MYOF: variants seen among roughly 807,000 people sequenced by gnomAD.
MYOF encodes fer-1-like 3, myoferlin.
In MYOF, 244 loss-of-function variants were observed where a neutral mutation model predicts 284.2. The ratio of observed to expected loss-of-function variants is 0.86; its 90% CI spans 0.77 to 0.95. MYOF has a LOEUF of 0.95. MYOF is among the 40% of genes least tolerant of loss of function. The pLI, the probability that MYOF is intolerant of heterozygous loss-of-function variation, is 0.00. For missense variants in MYOF, 2,496 were observed against 2,560.6 expected (o/e 0.97, Z 0.54); for synonymous variants, 904 against 919.7 (o/e 0.98, Z 0.31).
chr10:93,407,869 G>C (rs1847688372), intron 7 of MYOF, among the ~76,000 whole-genome samples: 1 of 152,010 alleles, frequency 6.6e-6, no homozygotes, highest in Admixed American at 6.5e-5. Context: ...CTAAAAAACT[G>C]GATTAGTCAC....
chr10:93,355,881 A>G, intron 30 of MYOF, 145 bp from the exon 31 acceptor site: 1 of 598,518 alleles, frequency 1.7e-6, no homozygotes, highest in African/African-American at 1.8e-5. Flanking sequence ...TTTAAAGATG[A>G]ATAAGTCCCA....
chr10:93,320,615 C>A (rs935511689), intron 48 of MYOF, among the ~76,000 whole-genome samples: 1 of 152,036 alleles, frequency 6.6e-6, no homozygotes, highest in South Asian at 2.1e-4. Context: ...TAACTTTTAA[C>A]GTTTGAGAAG....
At chr10:93,455,904 T>G (rs2056733744) in intron 2 of MYOF, among the ~76,000 whole-genome samples, 1 of 152,118 alleles carries the variant, frequency 6.6e-6, no homozygotes, top group Non-Finnish European at 1.5e-5. Context: ...AATTGGGTGG[T>G]TTAAAAGAGA....
At chr10:93,448,353 C>G (rs542264047) in intron 3 of MYOF, among the ~76,000 whole-genome samples, 11 of 152,300 alleles carry the variant, frequency 7.2e-5, no homozygotes, top group Admixed American at 7.2e-4. Flanking sequence ...CCTTTCCCCC[C>G]ACCCTTGACA....
At chr10:93,344,726 TAAAAAAAAAAAAA>T (rs3081452) in intron 37 of MYOF, among the ~76,000 whole-genome samples, 8 of 76,230 alleles carry the variant, frequency 1.0e-4, no homozygotes, top group Non-Finnish European at 1.8e-4. Flanking sequence ...GAACTTAAAT[TAAAAAAAAAAAAA>T]AAAAAAAAAA....
Position 93,333,879 on chromosome 10 carries a change from G to T in MYOF, c.4598C>A (p.Pro1533His). The T allele has an allele frequency of 6.2e-7, 1 of 1,614,028 alleles. No individual in the cohort carries two copies. The highest frequency in any genetic ancestry group is 2.2e-5 in the East Asian group (1 of 44,850). The part of the protein sequence containing the change: ...SFRIYPLPDD[P>H]SVPAPPRQFR... ...CTGTCTGGGAGGGGCTGGCACGCTG[G>T]GGTCATCCGGCAGAGGGTAGATCCG... Residue 1533 changes from proline (P) to histidine (H), a missense_variant, in exon 42 of 54, where the codon CCC becomes CAC. Around this residue, in one of 3 missense-constraint regions of MYOF, gnomAD observed 2,436 missense variants for 2,480.7 expected, o/e 0.98. Coordinates refer to ENST00000359263, the MANE Select transcript of MYOF (RefSeq NM_013451.4).
Position 93,333,970 on chromosome 10 carries a change from C to T in MYOF, c.4564-57G>A, listed in dbSNP as rs1376078103. 8 of 1,551,320 alleles carry T rather than the reference C, an allele frequency of 5.2e-6. No individual in the cohort carries two copies. The African/African-American group carries it at 8.2e-5, about 16-fold the overall frequency. ...CCCTGGGTGGCCCAGGTAGAGGGCT[C>T]CTGGGAAGTCCCCTCCTCCGCCAGG... On this transcript the variant is annotated intron_variant, in intron 41 of 53. Transcript: ENST00000359263.
chr10:93,369,109 G>GTTTTT (rs1564655832), intron 25 of MYOF, among the ~76,000 whole-genome samples: 9 of 63,022 alleles, frequency 1.4e-4, no homozygotes, highest in Admixed American at 3.6e-4. Context: ...TATTCAGACA[G>GTTTTT]CTTTTTTTTT....
Position 93,349,910 on chromosome 10 carries a change from G to A in MYOF, c.3981C>T (p.Pro1327=). The stretch of plus-strand genomic sequence containing the variant: ...CTCCTCCACACTCCACAACAAGACT[G>A]GGGGATGTGATAGAAGCCATCTGGA... ...KNFQMASITS[P]SLVVECGGER... Residue 1327 remains proline (P), a synonymous_variant, in exon 36 of 54, where the codon CCC becomes CCT. Transcript: ENST00000359263. 1 of 1,614,074 alleles carries A rather than the reference G, an allele frequency of 6.2e-7. No individual in the cohort carries two copies. Among genetic ancestry groups the A allele is most frequent in the East Asian group, 2.2e-5 (1 of 44,872 alleles).
chr10:93,308,049 C>G (rs1028584209), intron 53 of MYOF, among the ~76,000 whole-genome samples: 3 of 150,890 alleles, frequency 2.0e-5, no homozygotes, highest in African/African-American at 7.3e-5. Flanking sequence ...TGGAGACCAG[C>G]CTGGCCAACA....
rs758620615 is a variant in MYOF, at chr10:93,387,728, C to G, written c.1698+69G>C. 828 of 1,358,800 alleles carry G rather than the reference C, an allele frequency of 6.1e-4. 5 individuals carry two copies. Among genetic ancestry groups the G allele is most frequent in the Non-Finnish European group, 1.1e-4 (101 of 950,318 alleles). 84.2% of individuals were successfully genotyped at this position (1,358,800 alleles called of 1,614,324 possible). On this transcript the variant is annotated intron_variant, in intron 19 of 53. Transcript: ENST00000359263. Reference sequence around the variant, plus strand: ...TGAGTTGGGTTGCCTTCCGACTCCCCCAGCTACCCCTTCAGTCCCTGGAGG... The same window carrying G: ...TGAGTTGGGTTGCCTTCCGACTCCCGCAGCTACCCCTTCAGTCCCTGGAGG...
intron 30 of MYOF, among the ~76,000 whole-genome samples, chr10:93,356,004 A>AG (rs902222702): frequency 4.6e-5 from 7 of 152,178 alleles, no homozygotes; most frequent in African/African-American, 1.4e-4. Flanking sequence ...ACTGAAAGAA[A>AG]GGGAAAAAAA....
chr10:93,372,515 A>T (rs1845639205), intron 24 of MYOF, among the ~76,000 whole-genome samples: 2 of 152,206 alleles, frequency 1.3e-5, no homozygotes, highest in African/African-American at 4.8e-5. Context: ...TTGGTTCATC[A>T]AATTGAAATT....
At position 93,363,962 on chromosome 10, in the gene MYOF, G is replaced by T. The variant is rs1382563621; in HGVS notation, c.2867C>A (p.Ala956Glu). The T allele has an allele frequency of 6.2e-7, 1 of 1,613,528 alleles. No homozygotes were observed. Among genetic ancestry groups the T allele is most frequent in the African/African-American group, 1.3e-5 (1 of 74,930 alleles). ...WKPAEDTYTD[A>E]NGDKAASPSE... ...TTCTCTCCGGAGCAGGCCACTCACC[G>T]CATCCGTGTAGGTGTCCTCGGCCGG... The change falls in exon 27 of 54, where the codon GCG becomes GAG. Residue 956 changes from alanine to glutamate, a missense_variant and splice_region_variant. Around this residue, in one of 3 missense-constraint regions of MYOF, gnomAD observed 2,436 missense variants for 2,480.7 expected, o/e 0.98. Transcript: ENST00000359263.
chr10:93,364,511 G>A (rs1845234274), intron 26 of MYOF, among the ~76,000 whole-genome samples: 1 of 152,032 alleles, frequency 6.6e-6, no homozygotes, highest in African/African-American at 2.4e-5. Flanking sequence ...GAGTGTAGAC[G>A]GTCTCATGAA....
chr10:93,366,357 T>G (rs763004341), intron 26 of MYOF, 35 bp downstream of exon 26: 1 of 1,597,686 alleles, frequency 6.3e-7, no homozygotes, highest in Non-Finnish European at 8.5e-7. Context: ...AAGATTTCAT[T>G]GCTATCCTTT....
At chr10:93,421,205 A>G (rs914013047) in intron 5 of MYOF, among the ~76,000 whole-genome samples, 4 of 152,182 alleles carry the variant, frequency 2.6e-5, no homozygotes, top group Non-Finnish European at 5.9e-5. Context: ...CGACAGACTG[A>G]GATTCCACTT....
chr10:93,428,472 C>T (rs1389109025), intron 4 of MYOF, among the ~76,000 whole-genome samples: 1 of 151,750 alleles, frequency 6.6e-6, no homozygotes, highest in Admixed American at 6.6e-5. Flanking sequence ...TCCCAAAGTG[C>T]TGGGATTATA....
intron 22 of MYOF, among the ~76,000 whole-genome samples, chr10:93,376,210 T>A (rs1266966452): frequency 6.6e-6 from 1 of 152,216 alleles, no homozygotes; most frequent in African/African-American, 2.4e-5. Context: ...TACCAAATGT[T>A]TCTGTTTGGT....
Sources: gnomAD v4.1 joint callset for allele counts (sites outside exome capture counted in the v4.1 genomes callset) on GRCh38, gnomAD v4.1.1 for gene constraint, gnomAD v4.1.1 regional missense constraint, MANE v1.5 for transcripts, NCBI Gene and HGNC (gene_info 2026-07-23, HGNC 2026-07-21) for gene names.